Variants in CSMD2 observed in about 807,000 individuals in gnomAD.
The protein encoded by CSMD2 is CUB and Sushi multiple domains 2.
In CSMD2, 130 loss-of-function variants were observed where a neutral mutation model predicts 398.5. The ratio of observed to expected loss-of-function variants is 0.33; its 90% CI spans 0.28 to 0.38. CSMD2 has a LOEUF of 0.38. CSMD2 is among the 10% of genes least tolerant of loss of function. CSMD2 has a pLI of 1.00. For missense variants in CSMD2, 3,829 were observed against 4,764.9 expected, an observed-to-expected ratio of 0.80 and a Z score of 5.78; for synonymous variants, 1,828 against 1,908.5, an observed-to-expected ratio of 0.96 and a Z score of 1.10.
At chr1:33,973,138 G>A (rs550783056) in intron 3 of CSMD2, among the ~76,000 whole-genome samples, 6 of 152,302 alleles carry the variant, frequency 3.9e-5, no homozygotes, top group Admixed American at 6.5e-5. Context: ...AGGCCTGGCC[G>A]TGCCAGAATC....
chr1:33,946,306 T>C (rs948922075), intron 3 of CSMD2, among the ~76,000 whole-genome samples: 2 of 152,076 alleles, frequency 1.3e-5, no homozygotes, highest in East Asian at 1.9e-4. Context: ...TAAACCTGAG[T>C]TGCTTTACTT....
Position 33,533,041 on chromosome 1 carries a change from C to A in CSMD2, c.10171+9G>T. On this transcript the variant is annotated intron_variant, in intron 64 of 70. Coordinates refer to ENST00000373381, the MANE Select transcript of CSMD2 (RefSeq NM_001281956.2). The surrounding 1 kb of genome is among the most constrained non-coding windows in gnomAD (Gnocchi z 4.2). Reference sequence around the variant, plus strand: ...GCCCTGGAGAGCTTCCCCGAGCAGGCACACTCACCCAGGCAGATGGGCGGC... The same window carrying A: ...GCCCTGGAGAGCTTCCCCGAGCAGGAACACTCACCCAGGCAGATGGGCGGC... 6.3e-7 allele frequency: 1 copy of A among 1,596,978 alleles called. No individual in the cohort carries two copies.
chr1:33,614,422 T>C, intron 40 of CSMD2, 82 bp downstream of exon 40: 1 of 791,128 alleles, frequency 1.3e-6, no homozygotes, highest in Non-Finnish European at 2.2e-6. Flanking sequence ...AAGTTTGTGC[T>C]AAGAGATTTT....
At chr1:33,936,095 G>A (rs1221905141) in intron 3 of CSMD2, 141 bp from the exon 4 acceptor site, 6 of 643,630 alleles carry the variant, frequency 9.3e-6, no homozygotes, top group Non-Finnish European at 1.6e-5. Context: ...ATTGCCCACT[G>A]CTGATCTGCC....
At position 33,700,607 on chromosome 1, in the gene CSMD2, C is replaced by G; in HGVS notation, c.3643G>C (p.Val1215Leu). The change falls in exon 23 of 71, where the codon GTG (valine) becomes CTG (leucine). Residue 1215 changes from valine (V) to leucine (L), a missense_variant. By Grantham distance (32) the Val-to-Leu change is conservative. Transcript: ENST00000373381. ...CTGCTGGATGTGCTGTTCAAAGTCA[C>G]CCCCATCATCTCAGAATGGCTAAAA... is the stretch of plus-strand genomic sequence containing the variant. ...GVFSHSEMMG[V>L]TLNSTSSSLW... The G allele has an allele frequency of 6.2e-7, 1 of 1,614,150 alleles. No individual in the cohort carries two copies. Among genetic ancestry groups the G allele is most frequent in the South Asian group, 1.1e-5 (1 of 91,080 alleles).
At chr1:33,687,415 G>T (rs1645094850) in intron 25 of CSMD2, among the ~76,000 whole-genome samples, 1 of 151,792 alleles carries the variant, frequency 6.6e-6, no homozygotes, top group Admixed American at 6.6e-5. Flanking sequence ...ACAAAAAGAG[G>T]GTAAAGAACA....
At chr1:33,541,732 C>T (rs143004711) in intron 58 of CSMD2, among the ~76,000 whole-genome samples, 1 of 152,342 alleles carries the variant, frequency 6.6e-6, no homozygotes, top group East Asian at 1.9e-4. Flanking sequence ...GAAGATTCAC[C>T]TTATTCAAAG....
chr1:33,914,846 T>C (rs1643643115), intron 5 of CSMD2, among the ~76,000 whole-genome samples: 1 of 152,264 alleles, frequency 6.6e-6, no homozygotes, highest in Admixed American at 6.5e-5. Context: ...AGTTTTGGCT[T>C]TGAATTGTCC....
intron 3 of CSMD2, among the ~76,000 whole-genome samples, chr1:33,962,239 T>C (rs560943711): frequency 6.6e-6 from 1 of 152,130 alleles, no homozygotes; most frequent in Non-Finnish European, 1.5e-5. Flanking sequence ...CATCCATTTT[T>C]AATGATGAGG....
intron 3 of CSMD2, among the ~76,000 whole-genome samples, chr1:33,945,997 C>T (rs573582910): frequency 3.3e-5 from 5 of 152,180 alleles, no homozygotes; most frequent in East Asian, 1.9e-4. Context: ...AATTATTTTC[C>T]GGTGTGTTCT....
chr1:33,574,674 A>T (rs1016662686), intron 49 of CSMD2, among the ~76,000 whole-genome samples: 2 of 152,202 alleles, frequency 1.3e-5, no homozygotes, highest in Non-Finnish European at 2.9e-5. Context: ...GACTGTTCAG[A>T]GGGAGAGAAG....
chr1:33,991,797 G>A (rs1219171365), intron 3 of CSMD2, among the ~76,000 whole-genome samples: 2 of 151,882 alleles, frequency 1.3e-5, no homozygotes, highest in African/African-American at 4.8e-5. Flanking sequence ...AAATTACAGA[G>A]TAGGAAAAGA....
intron 21 of CSMD2, among the ~76,000 whole-genome samples, chr1:33,709,815 C>A (rs930375074): frequency 6.6e-6 from 1 of 152,120 alleles, no homozygotes. Context: ...GCACAATGAT[C>A]ATTTCTGGTT....
intron 1 of CSMD2, among the ~76,000 whole-genome samples, chr1:34,090,579 T>C (rs1466178618): frequency 6.6e-6 from 1 of 150,926 alleles, no homozygotes; most frequent in African/African-American, 2.4e-5. Context: ...CATGCCTCCA[T>C]CTCTTTATCT....
chr1:33,964,761 C>A lies in CSMD2; in HGVS notation c.518-28807G>T, dbSNP rs963419416. Among the ~76,000 whole-genome samples, 3 of 152,114 alleles carry A rather than the reference C, an allele frequency of 2.0e-5. No individual in the cohort carries two copies. The South Asian group carries it at 6.2e-4, about 32-fold the overall frequency. On this transcript the variant is annotated intron_variant, in intron 3 of 70. Coordinates refer to ENST00000373381, the MANE Select transcript of CSMD2 (RefSeq NM_001281956.2). ...GGCCCTAGATGGTTGAGGGGTAGGG[C>A]GCTGCAGCACTGGGAGTTCAGGTTT...
chr1:34,022,322 T>A (rs1470508797), intron 3 of CSMD2, among the ~76,000 whole-genome samples: 1 of 152,216 alleles, frequency 6.6e-6, no homozygotes, highest in Non-Finnish European at 1.5e-5. Context: ...ATTATTCTTA[T>A]TGTCCTCCTA....
intron 4 of CSMD2, among the ~76,000 whole-genome samples, chr1:33,929,778 C>T (rs1570539738): frequency 6.6e-6 from 1 of 151,158 alleles, no homozygotes; most frequent in African/African-American, 2.4e-5. Flanking sequence ...GTTTTCTGTT[C>T]CTCTAGCGTG....
At chr1:33,996,177 C>T (rs548583040) in intron 3 of CSMD2, among the ~76,000 whole-genome samples, 27 of 152,254 alleles carry the variant, frequency 1.8e-4, no homozygotes, top group Non-Finnish European at 3.1e-4. Context: ...TGAAAAGATG[C>T]GCAACCTCAC....
chr1:33,562,393 C>A (rs561878047), intron 53 of CSMD2, among the ~76,000 whole-genome samples: 12 of 152,346 alleles, frequency 7.9e-5, no homozygotes, highest in Non-Finnish European at 1.6e-4. Flanking sequence ...GCTGGCACTT[C>A]TCAGATTCCT....
Sources: gnomAD v4.1 joint callset for allele counts (sites outside exome capture counted in the v4.1 genomes callset) on GRCh38, gnomAD v4.1.1 for gene constraint, Gnocchi (gnomAD v3.1) non-coding constraint, MANE v1.5 for transcripts, NCBI Gene and HGNC (gene_info 2026-07-23, HGNC 2026-07-21) for gene names.